ST3GAL5: variants seen among roughly 807,000 people sequenced by gnomAD.
ST3GAL5 encodes lactosylceramide alpha-2,3-sialyltransferase.
A neutral mutation model predicts 46.1 loss-of-function variants in ST3GAL5; 25 were observed. The observed-to-expected ratio is 0.54, with a 90% CI of 0.40 to 0.76. The LOEUF is 0.76. ST3GAL5 is among the 30% of genes least tolerant of loss of function. ST3GAL5 has a pLI of 0.00. For missense variants in ST3GAL5, 431 were observed against 521.2 expected (o/e 0.83, Z 1.69); for synonymous variants, 182 against 192.7 (o/e 0.94, Z 0.46).
chr2:85,866,799 T>A (rs1481883014), intron 1 of ST3GAL5, among the ~76,000 whole-genome samples: 2 of 152,232 alleles, frequency 1.3e-5, no homozygotes, highest in African/African-American at 4.8e-5. Flanking sequence ...TGTTCACCTT[T>A]GTATCCCTAA....
At chr2:85,846,645 G>T in intron 4 of ST3GAL5, 82 bp from the exon 5 acceptor site, 1 of 1,317,804 alleles carries the variant, frequency 7.6e-7, no homozygotes, top group Non-Finnish European at 1.1e-6. Flanking sequence ...TCCATGTCAT[G>T]TCCTCCACGT....
rs571664213 is a variant in ST3GAL5 at position 85,839,949 on chromosome 2, A to G, written c.*195T>C. 8 of 692,290 alleles carry G rather than the reference A, an allele frequency of 1.2e-5. No individual in the cohort carries two copies. The highest frequency in any genetic ancestry group is 1.9e-5 in the Non-Finnish European group (8 of 421,720). 42.9% of individuals were successfully genotyped at this position (692,290 alleles called of 1,614,324 possible). On this transcript the variant is annotated 3_prime_UTR_variant, in exon 7 of 7. Coordinates refer to ENST00000638572, the MANE Select transcript of ST3GAL5 (RefSeq NM_003896.4). Reference sequence around the variant, plus strand: ...AAGTTTCATTTACAAAATGGTGTGCAAAAACAAACACTGACCTCAAATAAA... The same window carrying G: ...AAGTTTCATTTACAAAATGGTGTGCGAAAACAAACACTGACCTCAAATAAA...
Position 85,888,619 on chromosome 2 carries a change from C to A in ST3GAL5, c.82+205G>T, listed in dbSNP as rs557966118. 4.6e-5 allele frequency: 14 copies of A among 304,660 alleles called. No individual in the cohort carries two copies. In the East Asian group the frequency reaches 8.6e-4, roughly 19 times the overall value. 18.9% of individuals were successfully genotyped at this position (304,660 alleles called of 1,614,324 possible). A position where few individuals can be genotyped will look rare whatever the true frequency, so the allele number is the denominator to read the frequency against. On this transcript the variant is annotated intron_variant, in intron 1 of 6. Coordinates refer to ENST00000638572, the MANE Select transcript of ST3GAL5 (RefSeq NM_003896.4). ...TACCGCGTACACACCTGCGTGGGAC[C>A]CCCCGCCCGGTCCACACGGCCCGGG... is the stretch of plus-strand genomic sequence containing the variant.
At chr2:85,887,331 G>T (rs1195100268) in intron 1 of ST3GAL5, 2 of 152,176 alleles carry the variant, frequency 1.3e-5, no homozygotes, top group Non-Finnish European at 2.9e-5. Flanking sequence ...CCAAATAGTC[G>T]TAAATGTGAG....
chr2:85,873,777 GAAAACAAAAAAAC>G (rs886797580), intron 1 of ST3GAL5, among the ~76,000 whole-genome samples: 2 of 152,044 alleles, frequency 1.3e-5, no homozygotes, highest in African/African-American at 2.4e-5. Context: ...AGCATCAGGA[GAAAACAAAAAAAC>G]AAAACAAAAA....
Position 85,848,867 on chromosome 2 carries a change from G to T in ST3GAL5, c.319-663C>A, listed in dbSNP as rs117403232. ...TTTTTTAACCACGATTAAAAAAAAGGTTTCATATATCAGGTTCTCATCTAG... is the reference window on the plus strand; with the variant it reads ...TTTTTTAACCACGATTAAAAAAAAGTTTTCATATATCAGGTTCTCATCTAG... On this transcript the variant is annotated intron_variant, in intron 3 of 6. Transcript: ENST00000638572. 610 of 157,770 alleles carry T rather than the reference G, an allele frequency of 3.9e-3. 29 individuals are homozygous for T. In the East Asian group the frequency reaches 0.096, roughly 25 times the overall value. The allele number at this position is 157,770 out of a possible 1,614,324, so 9.8% of individuals were successfully genotyped here. A position where few individuals can be genotyped will look rare whatever the true frequency, so the allele number is the denominator to read the frequency against.
At chr2:85,863,338 T>G in intron 2 of ST3GAL5, 24 bp downstream of exon 2, 2 of 1,613,670 alleles carry the variant, frequency 1.2e-6, no homozygotes, top group Non-Finnish European at 1.7e-6. Flanking sequence ...CAGGGGGATC[T>G]ACAGTCCCAG....
At chr2:85,867,583 GA>G (rs1171733781) in intron 1 of ST3GAL5, 1 of 780,866 alleles carries the variant, frequency 1.3e-6, no homozygotes, top group East Asian at 2.4e-5. Flanking sequence ...TTCTCAGAAA[GA>G]AACGTGTGAT....
chr2:85,869,127 G>C (rs1478363261), intron 1 of ST3GAL5, among the ~76,000 whole-genome samples: 3 of 152,086 alleles, frequency 2.0e-5, no homozygotes, highest in African/African-American at 7.2e-5. Context: ...ATAACTCACT[G>C]CACCTTCAAA....
intron 1 of ST3GAL5, among the ~76,000 whole-genome samples, chr2:85,875,065 T>C (rs1398701920): frequency 6.6e-6 from 1 of 152,098 alleles, no homozygotes; most frequent in Non-Finnish European, 1.5e-5. Context: ...CGGATCTTTT[T>C]GTTGTTGTTT....
At chr2:85,840,441 A>G (rs774786844) in intron 6 of ST3GAL5, 49 bp from the exon 7 acceptor site, 4 of 1,605,186 alleles carry the variant, frequency 2.5e-6, no homozygotes, top group Non-Finnish European at 3.4e-6. Context: ...TTTTGGCACA[A>G]GTCACCATTT....
At chr2:85,864,596 G>A (rs1533606) in intron 1 of ST3GAL5, among the ~76,000 whole-genome samples, 37,138 of 144,848 alleles carry the variant, frequency 0.26, 5,077 homozygotes, top group East Asian at 0.55. Context: ...AAAAAAAAAA[G>A]AAAAAGAGAG....
chr2:85,847,618 G>A, intron 4 of ST3GAL5: 4 of 1,270,774 alleles, frequency 3.1e-6, no homozygotes, highest in Non-Finnish European at 4.0e-6. Flanking sequence ...GCAATTCGGA[G>A]AAACCCCATC....
In ST3GAL5 at chr2:85,838,212, GGGATGGGGATGGGA is replaced by G. The variant is rs1183423887; in HGVS notation, c.*1918_*1931del. 6.6e-6 allele frequency: 1 copy of G among 152,230 alleles called. No homozygotes were observed. Among genetic ancestry groups the G allele is most frequent in the African/African-American group, 2.4e-5 (1 of 41,434 alleles). The allele number at this position is 152,230 out of a possible 1,614,324, so 9.4% of individuals were successfully genotyped here. On this transcript the variant is annotated 3_prime_UTR_variant, in exon 7 of 7. Coordinates refer to ENST00000638572, the MANE Select transcript of ST3GAL5 (RefSeq NM_003896.4). ...TGCAAGAAGGGCCTTACAGGGAGGA[GGGATGGGGATGGGA>G]GCAGGCCTGAGAATGGCTGCAAGCT...
At chr2:85,847,650 T>C (rs1275039297) in intron 4 of ST3GAL5, 7 of 1,300,126 alleles carry the variant, frequency 5.4e-6, no homozygotes, top group South Asian at 3.4e-5. Context: ...TATAAAAAAT[T>C]AGCCACGCGT....
chr2:85,840,413 C>T (rs1208913070), intron 6 of ST3GAL5, 21 bp from the exon 7 acceptor site: 2 of 1,613,200 alleles, frequency 1.2e-6, no homozygotes, highest in East Asian at 2.2e-5. Flanking sequence ...GAAAAGAAGA[C>T]CAAAAAGTAA....
chr2:85,882,570 C>T (rs1008125466), intron 1 of ST3GAL5, among the ~76,000 whole-genome samples: 2 of 152,098 alleles, frequency 1.3e-5, no homozygotes, highest in African/African-American at 4.8e-5. Context: ...TAGTAGCTCA[C>T]ACCTGTAATC....
intron 1 of ST3GAL5, among the ~76,000 whole-genome samples, chr2:85,873,281 C>T (rs529891617): frequency 2.0e-5 from 3 of 152,218 alleles, no homozygotes; most frequent in East Asian, 1.9e-4. Context: ...TGGCTTTGCT[C>T]AGCTCTGCCC....
Position 85,848,090 on chromosome 2 carries a change from C to A in ST3GAL5, c.433G>T (p.Val145Leu). The change falls in exon 4 of 7, where the codon GTG (valine) becomes TTG (leucine). Residue 145 changes from valine (V) to leucine (L), a missense_variant. Physicochemically the swap from Val to Leu is conservative, Grantham distance 32 (BLOSUM62 1). Coordinates refer to ENST00000638572, the MANE Select transcript of ST3GAL5 (RefSeq NM_003896.4). ...HRYSVDLLPF[V>L]QKAPKDSEAE... is the part of the protein sequence containing the mutation. Reference sequence around the variant, plus strand: ...TCACTGTCTTTGGGGGCCTTCTGCACAAAAGGGAGTAAGTCCACGCTATAC... The same window carrying A: ...TCACTGTCTTTGGGGGCCTTCTGCAAAAAAGGGAGTAAGTCCACGCTATAC... 1 of 1,614,164 alleles carries A rather than the reference C, an allele frequency of 6.2e-7. No homozygotes were observed. The highest frequency in any genetic ancestry group is 1.3e-5 in the African/African-American group (1 of 75,036).
Sources: allele counts gnomAD v4.1 joint callset (sites outside exome capture counted in the v4.1 genomes callset), GRCh38; gene constraint gnomAD v4.1.1; transcripts MANE v1.5; gene names NCBI Gene and HGNC (gene_info 2026-07-23, HGNC 2026-07-21).